Variants in CALR3 observed in about 807,000 individuals in gnomAD.
CALR3 encodes calreticulin-3.
In CALR3, 39 loss-of-function variants were observed where a neutral mutation model predicts 48.7. The ratio of observed to expected loss-of-function variants is 0.80; its 90% CI spans 0.62 to 1.05. CALR3 has a LOEUF of 1.05. Ranked by LOEUF, CALR3 falls within the 50% of genes least tolerant of loss-of-function variation. The pLI is 0.00. For synonymous variants in CALR3, 185 were observed against 172.7 expected (o/e 1.07, Z -0.56); for missense variants, 449 against 474.7 (o/e 0.95, Z 0.50).
chr19:16,486,677 A>G (rs1284346458), intron 3 of CALR3, among the ~76,000 whole-genome samples: 1 of 151,848 alleles, frequency 6.6e-6, no homozygotes, highest in East Asian at 1.9e-4. Flanking sequence ...GAGGAAATGT[A>G]GACAGATGGG....
intron 2 of CALR3, among the ~76,000 whole-genome samples, chr19:16,494,235 G>C (rs1353026515): frequency 1.3e-5 from 2 of 151,910 alleles, no homozygotes; most frequent in Non-Finnish European, 1.5e-5. Flanking sequence ...TAACTTTTTT[G>C]TATTTTTGTG....
At chr19:16,488,599 G>A (rs943134564) in intron 3 of CALR3, among the ~76,000 whole-genome samples, 1 of 151,944 alleles carries the variant, frequency 6.6e-6, no homozygotes, top group Non-Finnish European at 1.5e-5. Context: ...GTAGAGATAG[G>A]GTTTTACCAT....
At chr19:16,485,499 T>C (rs899699575) in intron 3 of CALR3, among the ~76,000 whole-genome samples, 1 of 152,082 alleles carries the variant, frequency 6.6e-6, no homozygotes, top group Non-Finnish European at 1.5e-5. Flanking sequence ...TTTGTATTTT[T>C]AGTAGAGATG....
chr19:16,489,035 C>T (rs2093393613), intron 3 of CALR3, among the ~76,000 whole-genome samples: 1 of 152,226 alleles, frequency 6.6e-6, no homozygotes, highest in Non-Finnish European at 1.5e-5. Flanking sequence ...ATCTAAATTT[C>T]ATATAATTTT....
At chr19:16,495,451 C>T (rs1345959033) in intron 2 of CALR3, among the ~76,000 whole-genome samples, 1 of 146,570 alleles carries the variant, frequency 6.8e-6, no homozygotes, top group Admixed American at 7.0e-5. Context: ...CTCAGCTACT[C>T]GGGAGGCTGA....
At position 16,483,941 on chromosome 19, in the gene CALR3, TGTC is replaced by T; in HGVS notation, c.664_666del (p.Asp222del). ...GGAAAAATTCACACCTGGGCTTTGT[TGTC>T]TTTAGTCTGTTCCCAATCCTTCGAT... On this transcript the variant is annotated inframe_deletion, in exon 5 of 9. Transcript: ENST00000269881. 1 of 1,614,056 alleles carries T rather than the reference TGTC, an allele frequency of 6.2e-7. No individual in the cohort carries two copies. Among genetic ancestry groups the T allele is most frequent in the Non-Finnish European group, 8.5e-7 (1 of 1,179,992 alleles).
rs1277805235 is a variant in CALR3, at chr19:16,488,324, TCCTC to T, written c.397+2039_397+2042del. On this transcript the variant is annotated intron_variant, in intron 3 of 8. Coordinates refer to ENST00000269881, the MANE Select transcript of CALR3 (RefSeq NM_145046.5). ...GTCTCGAACTCCTGGACTCAAGTAA[TCCTC>T]CTGCCTGGCCTCCCAAAAGTGCTGG... 2.0e-5 allele frequency among the ~76,000 whole-genome samples: 3 copies of T among 152,254 alleles called. No homozygotes were observed. In the East Asian group the frequency reaches 5.8e-4, roughly 29 times the overall value.
At position 16,480,614 on chromosome 19, in the gene CALR3, C is replaced by T. The variant is rs774121735; in HGVS notation, c.1011G>A (p.Lys337=). The change falls in exon 8 of 9, where the codon AAG becomes AAA. Residue 337 remains lysine, a splice_region_variant and synonymous_variant. Transcript: ENST00000269881. ...NFGKATWGET[K]GPEREMDAIQ... is the part of the protein sequence containing the mutation. The stretch of plus-strand genomic sequence containing the variant: ...GAAGAGTTAATCACGTGCTTCATAC[C>T]TTGGTTTCGCCCCAGGTGGCCTTGC... The T allele has an allele frequency of 1.2e-6, 2 of 1,601,878 alleles. No individual in the cohort carries two copies. The highest frequency in any genetic ancestry group is 1.7e-5 in the Admixed American group (1 of 59,962).
At chr19:16,487,699 G>A (rs2093391318) in intron 3 of CALR3, among the ~76,000 whole-genome samples, 1 of 151,910 alleles carries the variant, frequency 6.6e-6, no homozygotes, top group African/African-American at 2.4e-5. Flanking sequence ...GTGCAATGGT[G>A]CAATCTCGGC....
chr19:16,482,909 A>G (rs963102019), intron 5 of CALR3, 124 bp from the exon 6 acceptor site: 8 of 873,836 alleles, frequency 9.2e-6, no homozygotes, highest in Non-Finnish European at 1.1e-5. Flanking sequence ...CGGTTGTGCA[A>G]TCATGGCTCA....
chr19:16,490,547 G>C lies in CALR3; in HGVS notation c.217C>G (p.Arg73Gly), dbSNP rs199561391. 86 of 1,613,950 alleles carry C rather than the reference G, an allele frequency of 5.3e-5. No homozygotes were observed. The highest frequency in any genetic ancestry group is 1.2e-4 in the Admixed American group (7 of 59,966). The change falls in exon 3 of 9, where the codon CGA (arginine) becomes GGA (glycine). Residue 73 changes from arginine to glycine, a missense_variant. By Grantham distance (125) the Arg-to-Gly change is moderately radical. Coordinates refer to ENST00000269881, the MANE Select transcript of CALR3 (RefSeq NM_145046.5). Reference sequence around the variant, plus strand: ...AAGCGTGCAGAGATGGCATAGAATCGGCCATTCTGAGTGGTTTGCAGACCT... The same window carrying C: ...AAGCGTGCAGAGATGGCATAGAATCCGCCATTCTGAGTGGTTTGCAGACCT... ...DKGLQTTQNG[R>G]FYAISARFKP... is the part of the protein sequence containing the mutation.
chr19:16,480,552 A>C (rs977595106), intron 8 of CALR3, 62 bp downstream of exon 8: 18 of 1,216,318 alleles, frequency 1.5e-5, no homozygotes, highest in Non-Finnish European at 2.2e-5. Flanking sequence ...ACTCCATCTA[A>C]AAAAAAAAAA....
chr19:16,484,442 G>T (rs942806764), intron 4 of CALR3, among the ~76,000 whole-genome samples: 5 of 152,010 alleles, frequency 3.3e-5, no homozygotes, highest in African/African-American at 1.2e-4. Flanking sequence ...CTCCCAAAGT[G>T]CTGGGATTAC....
rs140290452 is a variant in CALR3, at chr19:16,479,219, C to A, written c.1067G>T (p.Arg356Leu). The change falls in exon 9 of 9, where the codon CGC (arginine) becomes CTC (leucine). Residue 356 changes from arginine to leucine, a missense_variant. Physicochemically the swap from Arg to Leu is moderately radical, Grantham distance 102. Transcript: ENST00000269881. ...CAGCAGCTCTTCCTCCTCTTCCTCG[C>A]GGGCCTTCTTCATTTCCTCCTTGGC... ...IQAKEEMKKA[R>L]EEEEEELLSG... 2,122 of 1,614,080 alleles carry A rather than the reference C, an allele frequency of 1.3e-3. 28 individuals are homozygous for A. The African/African-American group carries it at 0.024, about 18-fold the overall frequency.
chr19:16,491,083 C>T (rs1249225544), intron 2 of CALR3, among the ~76,000 whole-genome samples: 2 of 148,896 alleles, frequency 1.3e-5, no homozygotes, highest in African/African-American at 5.0e-5. Flanking sequence ...TTTCACACAC[C>T]TGGAAGTTTT....
rs758070959 is a variant in CALR3, at chr19:16,479,209, C to T, written c.1077G>A (p.Glu359=). The part of the protein sequence containing the change: ...KEEMKKAREE[E]EEELLSGKIN... Reference sequence around the variant, plus strand: ...TTTTTCCCGACAGCAGCTCTTCCTCCTCTTCCTCGCGGGCCTTCTTCATTT... The same window carrying T: ...TTTTTCCCGACAGCAGCTCTTCCTCTTCTTCCTCGCGGGCCTTCTTCATTT... The change falls in exon 9 of 9, where the codon GAG becomes GAA. Residue 359 remains glutamate (E), a synonymous_variant. Coordinates refer to ENST00000269881, the MANE Select transcript of CALR3 (RefSeq NM_145046.5). 1.2e-6 allele frequency: 2 copies of T among 1,614,138 alleles called. No individual in the cohort carries two copies. The highest frequency in any genetic ancestry group is 1.1e-5 in the South Asian group (1 of 91,076).
At chr19:16,481,738 A>G (rs146599495) in intron 7 of CALR3, among the ~76,000 whole-genome samples, 3,302 of 151,856 alleles carry the variant, frequency 0.022, 70 homozygotes, top group Non-Finnish European at 0.031. Context: ...AGCTCAGGCA[A>G]TCTGCCCCCC....
At chr19:16,484,616 C>T (rs1470765673) in intron 4 of CALR3, among the ~76,000 whole-genome samples, 1 of 152,152 alleles carries the variant, frequency 6.6e-6, no homozygotes, top group Non-Finnish European at 1.5e-5. Context: ...CTCCCAGGCT[C>T]AAGTGACCCT....
chr19:16,482,320 A>G (rs1387709675), intron 7 of CALR3, 130 bp downstream of exon 7: 4 of 1,320,954 alleles, frequency 3.0e-6, no homozygotes, highest in East Asian at 2.5e-5. Context: ...TTGAGGCTAC[A>G]GTGAGCTAGG....
Sources: allele counts gnomAD v4.1 joint callset (sites outside exome capture counted in the v4.1 genomes callset), GRCh38; gene constraint gnomAD v4.1.1; transcripts MANE v1.5; gene names NCBI Gene and HGNC (gene_info 2026-07-23, HGNC 2026-07-21).